MYO18A: variants seen among roughly 807,000 people sequenced by gnomAD.
The protein encoded by MYO18A is myosin XVIIIA.
A neutral mutation model predicts 235.8 loss-of-function variants in MYO18A; 78 were observed. That is an observed-to-expected ratio of 0.33 (90% CI 0.28 to 0.40). The LOEUF (loss-of-function observed/expected upper bound fraction) is 0.40. Among genes scored for constraint, MYO18A ranks in the 10% least tolerant of loss-of-function variants. The pLI is 1.00. For missense variants in MYO18A, 2,215 were observed against 2,699.3 expected (o/e 0.82, Z 3.98); for synonymous variants, 977 against 1,077.8 (o/e 0.91, Z 1.83).
chr17:29,126,311 G>C lies in MYO18A; in HGVS notation c.1000-4058C>G, dbSNP rs1428213125. Among the ~76,000 whole-genome samples, 2 of 28,640 alleles carry C rather than the reference G, an allele frequency of 7.0e-5. No individual in the cohort carries two copies. Among genetic ancestry groups the C allele is most frequent in the Non-Finnish European group, 1.2e-4 (2 of 16,836 alleles). 18.8% of individuals were successfully genotyped at this position (28,640 alleles called of 152,430 possible). A position where few individuals can be genotyped will look rare whatever the true frequency, so the allele number is the denominator to read the frequency against. ...CCTCCCTTGTGAGAGGAGGAGGGAC[G>C]GGGAGGAGGGACGGGGAGGAGGGAG... On this transcript the variant is annotated intron_variant, in intron 2 of 41. Coordinates refer to ENST00000527372, the MANE Select transcript of MYO18A (RefSeq NM_078471.4). This position sits in a 1 kb window ranked among gnomAD's most constrained non-coding sequence, Gnocchi z 4.1.
chr17:29,141,121 A>G (rs1683494752), intron 2 of MYO18A, among the ~76,000 whole-genome samples: 1 of 152,226 alleles, frequency 6.6e-6, no homozygotes, highest in Admixed American at 6.5e-5. Flanking sequence ...TCCCCTCCAC[A>G]GACGCCAGGG....
chr17:29,096,427 C>G (rs2066520134), intron 28 of MYO18A, among the ~76,000 whole-genome samples: 1 of 152,180 alleles, frequency 6.6e-6, no homozygotes, highest in Non-Finnish European at 1.5e-5. Flanking sequence ...GAGGGAGAGG[C>G]AGAGCTGGGG....
chr17:29,101,768 G>A (rs2066657861), intron 21 of MYO18A, among the ~76,000 whole-genome samples: 1 of 152,196 alleles, frequency 6.6e-6, no homozygotes, highest in African/African-American at 2.4e-5. Context: ...TAATGGCTCA[G>A]AGACACAATG....
intron 2 of MYO18A, among the ~76,000 whole-genome samples, chr17:29,149,130 C>G (rs1008464975): frequency 6.6e-5 from 10 of 152,344 alleles, no homozygotes; most frequent in African/African-American, 2.4e-4. Context: ...GGAGGCGTCC[C>G]CCAGGAGCTC....
rs182104696 is a variant in MYO18A at position 29,115,963 on chromosome 17, T to C, written c.2051-123A>G. ...AAAAGCCAGCCCTGATGACACCCGA[T>C]GGGCTTCAGGCAGAACAGGGGCAGC... is the stretch of plus-strand genomic sequence containing the variant. On this transcript the variant is annotated intron_variant, in intron 11 of 41. Transcript: ENST00000527372. The C allele has an allele frequency of 5.2e-5, 57 of 1,094,284 alleles. No individual in the cohort carries two copies. In the South Asian group the frequency reaches 6.2e-4, roughly 12 times the overall value. 67.8% of individuals were successfully genotyped at this position (1,094,284 alleles called of 1,614,324 possible).
intron 1 of MYO18A, among the ~76,000 whole-genome samples, chr17:29,170,062 G>A (rs937480702): frequency 2.0e-5 from 3 of 152,148 alleles, no homozygotes; most frequent in Admixed American, 6.5e-5. Context: ...CCAAAAAATC[G>A]CTGGGGGACC....
Position 29,094,848 on chromosome 17 carries a change from T to C in MYO18A, c.4512A>G (p.Glu1504=), listed in dbSNP as rs767848303. 72 of 1,613,910 alleles carry C rather than the reference T, an allele frequency of 4.5e-5. No homozygotes were observed. Among genetic ancestry groups the C allele is most frequent in the Non-Finnish European group, 5.8e-5 (69 of 1,179,906 alleles). The change falls in exon 30 of 42, where the codon GAA becomes GAG. Residue 1504 remains glutamate, a splice_region_variant and synonymous_variant. Coordinates refer to ENST00000527372, the MANE Select transcript of MYO18A (RefSeq NM_078471.4). ...TGAACCCTGCAATGTCCATGTCTTT[T>C]TCCTGGAGCAAAAGAGATGAGGCTG... ...EAFSLKQQLE[E]KDMDIAGFTQ...
intron 2 of MYO18A, among the ~76,000 whole-genome samples, chr17:29,128,845 G>A (rs1284111030): frequency 1.3e-5 from 2 of 152,144 alleles, no homozygotes; most frequent in Non-Finnish European, 2.9e-5. Flanking sequence ...GGCACAGAGC[G>A]CCGAGAGGCC....
chr17:29,115,236 G>A (rs2067029038), intron 13 of MYO18A, 115 bp downstream of exon 13: 6 of 1,429,546 alleles, frequency 4.2e-6, no homozygotes, highest in African/African-American at 1.4e-5. Flanking sequence ...CATAGCCCAT[G>A]GGACAGGGAG....
chr17:29,173,373 T>C (rs1185596886), intron 1 of MYO18A, among the ~76,000 whole-genome samples: 1 of 151,128 alleles, frequency 6.6e-6, no homozygotes, highest in Non-Finnish European at 1.5e-5. Context: ...ATTACAGGCT[T>C]GAGCCACTGC....
chr17:29,109,038 G>C lies in MYO18A; in HGVS notation c.3331+820C>G, dbSNP rs962134428. 6.6e-6 allele frequency among the ~76,000 whole-genome samples: 1 copy of C among 152,050 alleles called. No homozygotes were observed. The highest frequency in any genetic ancestry group is 2.4e-5 in the African/African-American group (1 of 41,398). ...GGCTTGGGCTGCTAAGGAAGTTTTAGTGCCCATGGGAATGCCTGAAGGGGA... is the reference window on the plus strand; with the variant it reads ...GGCTTGGGCTGCTAAGGAAGTTTTACTGCCCATGGGAATGCCTGAAGGGGA... On this transcript the variant is annotated intron_variant, in intron 19 of 41. Transcript: ENST00000527372. The surrounding 1 kb of genome is among the most constrained non-coding windows in gnomAD (Gnocchi z 4.1).
chr17:29,119,049 A>T (rs2067138209), intron 8 of MYO18A, among the ~76,000 whole-genome samples: 1 of 152,126 alleles, frequency 6.6e-6, no homozygotes, highest in African/African-American at 2.4e-5. Flanking sequence ...TGGGTAATGG[A>T]GATCCTAGCT....
rs944360846 is a variant in MYO18A at position 29,121,346 on chromosome 17, C to T, written c.1372-135G>A. The T allele has an allele frequency of 1.8e-6, 2 of 1,141,930 alleles. No homozygotes were observed. The highest frequency in any genetic ancestry group is 3.1e-5 in the African/African-American group (2 of 64,578). 70.7% of individuals were successfully genotyped at this position (1,141,930 alleles called of 1,614,324 possible). ...CAGGGATTCCAAGGCCAAGGCCATG[C>T]ATGGAAATGAAGACACTAAGTCCTG... On this transcript the variant is annotated intron_variant, in intron 5 of 41. Coordinates refer to ENST00000527372, the MANE Select transcript of MYO18A (RefSeq NM_078471.4). This position sits in a 1 kb window ranked among gnomAD's most constrained non-coding sequence, Gnocchi z 4.2.
intron 2 of MYO18A, among the ~76,000 whole-genome samples, chr17:29,123,100 G>A (rs2067239386): frequency 6.6e-6 from 1 of 152,232 alleles, no homozygotes; most frequent in Non-Finnish European, 1.5e-5. Flanking sequence ...GCCTCAGGAG[G>A]TCACCAACTC....
Position 29,074,337 on chromosome 17 carries a change from C to G in MYO18A, c.*433G>C. 1.2e-6 allele frequency: 1 copy of G among 801,674 alleles called. No homozygotes were observed. Among genetic ancestry groups the G allele is most frequent in the Non-Finnish European group, 2.0e-6 (1 of 510,484 alleles). 49.7% of individuals were successfully genotyped at this position (801,674 alleles called of 1,614,324 possible). On this transcript the variant is annotated 3_prime_UTR_variant, in exon 42 of 42. Transcript: ENST00000527372. The surrounding 1 kb of genome is among the most constrained non-coding windows in gnomAD (Gnocchi z 4.4). ...GCACCAAGAAGAGAGAGCCCCCACC[C>G]CACACGAGAGGGAAGGCACTGCTTC...
chr17:29,121,929 G>A lies in MYO18A; in HGVS notation c.1116C>T (p.Asn372=). Residue 372 remains asparagine (N), a synonymous_variant, in exon 4 of 42, where the codon AAC becomes AAT. Coordinates refer to ENST00000527372, the MANE Select transcript of MYO18A (RefSeq NM_078471.4). The surrounding 1 kb of genome is among the most constrained non-coding windows in gnomAD (Gnocchi z 4.2). The part of the protein sequence containing the change: ...LASQLKSEEL[N]LPEGKVRVKL... ...TCACACGCACCTTCCCCTCAGGCAAGTTGAGCTCCTCAGATTTGAGTTGAC... is the reference window on the plus strand; with the variant it reads ...TCACACGCACCTTCCCCTCAGGCAAATTGAGCTCCTCAGATTTGAGTTGAC... The A allele has an allele frequency of 6.2e-7, 1 of 1,613,934 alleles. No homozygotes were observed. Among genetic ancestry groups the A allele is most frequent in the Non-Finnish European group, 8.5e-7 (1 of 1,179,874 alleles).
chr17:29,085,705 T>A (rs1411680561), intron 39 of MYO18A, 57 bp from the exon 40 acceptor site: 2 of 1,586,276 alleles, frequency 1.3e-6, no homozygotes, highest in African/African-American at 2.7e-5. Flanking sequence ...ATGAAATCAA[T>A]CGGCAACCCA....
chr17:29,140,773 C>A lies in MYO18A; in HGVS notation c.1000-18520G>T, dbSNP rs1160176573. 9.9e-5 allele frequency among the ~76,000 whole-genome samples: 15 copies of A among 152,042 alleles called. No individual in the cohort carries two copies. On this transcript the variant is annotated intron_variant, in intron 2 of 41. Coordinates refer to ENST00000527372, the MANE Select transcript of MYO18A (RefSeq NM_078471.4). The surrounding 1 kb of genome is among the most constrained non-coding windows in gnomAD (Gnocchi z 4.2). ...CCACAGGCCAAGCTTGAGACAAGCA[C>A]ATGCGCACTCATGTGCATGTACACG...
At chr17:29,146,265 T>C (rs544814734) in intron 2 of MYO18A, among the ~76,000 whole-genome samples, 1 of 151,082 alleles carries the variant, frequency 6.6e-6, no homozygotes, top group Admixed American at 6.6e-5. Flanking sequence ...CTCAAAAAAA[T>C]AAAATAAAAA....
Sources: allele counts gnomAD v4.1 joint callset (sites outside exome capture counted in the v4.1 genomes callset), GRCh38; gene constraint gnomAD v4.1.1; non-coding constraint Gnocchi (gnomAD v3.1); transcripts MANE v1.5; gene names NCBI Gene and HGNC (gene_info 2026-07-23, HGNC 2026-07-21).